The following TSHZ1 variants were observed in gnomAD, a reference collection of about 807,000 sequenced individuals.
The protein encoded by TSHZ1 is teashirt homolog 1.
A neutral mutation model predicts 67.1 loss-of-function variants in TSHZ1; 12 were observed. That is an observed-to-expected ratio of 0.18 (90% confidence interval 0.11 to 0.29). The LOEUF is 0.29. Ranked by LOEUF, TSHZ1 falls within the 10% of genes least tolerant of loss-of-function variation. The pLI, the probability that TSHZ1 is intolerant of heterozygous loss-of-function variation, is 1.00. For synonymous variants in TSHZ1, 632 were observed against 622.4 expected, an observed-to-expected ratio of 1.02 and a Z score of -0.23; for missense variants, 1,305 against 1,413.9, an observed-to-expected ratio of 0.92 and a Z score of 1.23.
intron 1 of TSHZ1, among the ~76,000 whole-genome samples, chr18:75,269,807 C>T (rs1216909265): frequency 2.6e-5 from 4 of 152,172 alleles, no homozygotes; most frequent in Admixed American, 1.3e-4. Flanking sequence ...CAGTACCCCT[C>T]GTTCCCAGCC....
At chr18:75,223,584 A>G (rs572156708) in intron 1 of TSHZ1, among the ~76,000 whole-genome samples, 3 of 151,774 alleles carry the variant, frequency 2.0e-5, no homozygotes, top group South Asian at 4.2e-4. Flanking sequence ...TCGAATATAC[A>G]TATGGTTTTG....
At chr18:75,247,974 C>T (rs1041141684) in intron 1 of TSHZ1, among the ~76,000 whole-genome samples, 1 of 151,520 alleles carries the variant, frequency 6.6e-6, no homozygotes, top group Non-Finnish European at 1.5e-5. Flanking sequence ...CCTAGGCTTC[C>T]GGTGCATTCA....
chr18:75,251,246 C>T (rs2023299693), intron 1 of TSHZ1, among the ~76,000 whole-genome samples: 1 of 152,032 alleles, frequency 6.6e-6, no homozygotes, highest in Non-Finnish European at 1.5e-5. Context: ...ATTGGAAAAA[C>T]ACAGAAAAAT....
At chr18:75,280,373 T>C (rs1568367760) in intron 1 of TSHZ1, among the ~76,000 whole-genome samples, 1 of 152,272 alleles carries the variant, frequency 6.6e-6, no homozygotes, top group Non-Finnish European at 1.5e-5. Context: ...TTTACTCTTT[T>C]TCTTTGAGAT....
chr18:75,257,792 C>T (rs1419824191), intron 1 of TSHZ1, among the ~76,000 whole-genome samples: 2 of 152,182 alleles, frequency 1.3e-5, no homozygotes, highest in Non-Finnish European at 2.9e-5. Context: ...TCATGTTGCA[C>T]ATGTTCCCGT....
Position 75,288,340 on chromosome 18 carries a change from A to G in TSHZ1, c.2933A>G (p.Gln978Arg). ...PVFFCNDCAS[Q>R]FRTASTYISH... ...TTCTTTTGCAACGATTGTGCCTCTC[A>G]GTTCAGAACTGCTTCTACATACATA... The change falls in exon 2 of 2, where the codon CAG becomes CGG. Residue 978 changes from glutamine (Q) to arginine (R), a missense_variant. Physicochemically the swap from Gln to Arg is conservative, Grantham distance 43 (BLOSUM62 1). This residue lies in a region of TSHZ1 where 909 missense variants were observed against 961.8 expected (regional missense o/e 0.95). Coordinates refer to ENST00000580243, the MANE Select transcript of TSHZ1 (RefSeq NM_001308210.2). This position sits in a 1 kb window ranked among gnomAD's most constrained non-coding sequence, Gnocchi z 4.9. 1.2e-6 allele frequency: 2 copies of G among 1,614,238 alleles called. No individual in the cohort carries two copies. Among genetic ancestry groups the G allele is most frequent in the South Asian group, 1.1e-5 (1 of 91,090 alleles).
chr18:75,259,032 C>T (rs372767851), intron 1 of TSHZ1, among the ~76,000 whole-genome samples: 1 of 152,194 alleles, frequency 6.6e-6, no homozygotes, highest in East Asian at 1.9e-4. Flanking sequence ...TTCCTCCTCC[C>T]CTCAAGGTAA....
At chr18:75,237,105 C>A (rs1055597572) in intron 1 of TSHZ1, among the ~76,000 whole-genome samples, 5 of 152,162 alleles carry the variant, frequency 3.3e-5, no homozygotes. Flanking sequence ...TTTCTTCAGA[C>A]GTGTCAACAG....
At position 75,255,834 on chromosome 18, in the gene TSHZ1, C is replaced by G. The variant is rs73481964; in HGVS notation, c.41-29614C>G. Among the ~76,000 whole-genome samples the G allele has an allele frequency of 5.9e-3, 900 of 152,292 alleles. 9 individuals carry two copies. Among genetic ancestry groups the G allele is most frequent in the African/African-American group, 0.021 (860 of 41,566 alleles). ...GCATGTGTATTTTACTTCTTGTACT[C>G]AGGAAGAGACTGAGCTAATGAAGAA... is the stretch of plus-strand genomic sequence containing the variant. On this transcript the variant is annotated intron_variant, in intron 1 of 1. Coordinates refer to ENST00000580243, the MANE Select transcript of TSHZ1 (RefSeq NM_001308210.2).
intron 1 of TSHZ1, among the ~76,000 whole-genome samples, chr18:75,218,851 C>G (rs1006059860): frequency 3.9e-5 from 6 of 152,330 alleles, no homozygotes; most frequent in Non-Finnish European, 7.4e-5. Flanking sequence ...CCTACCTGAC[C>G]ACAAGAGAGT....
chr18:75,218,854 A>G (rs368382965), intron 1 of TSHZ1, among the ~76,000 whole-genome samples: 18 of 152,248 alleles, frequency 1.2e-4, no homozygotes, highest in Admixed American at 1.1e-3. Context: ...ACCTGACCAC[A>G]AGAGAGTAGT....
In TSHZ1 at chr18:75,285,457, C is replaced by T. The variant is rs776866413; in HGVS notation, c.50C>T (p.Pro17Leu). The T allele has an allele frequency of 6.7e-7, 1 of 1,482,788 alleles. No homozygotes were observed. Among genetic ancestry groups the T allele is most frequent in the Non-Finnish European group, 9.0e-7 (1 of 1,115,696 alleles). 91.9% of individuals were successfully genotyped at this position (1,482,788 alleles called of 1,614,324 possible). A position where few individuals can be genotyped will look rare whatever the true frequency, so the allele number is the denominator to read the frequency against. ...CATTTTTCTCTCCTAGCTTATGTTCCTGAGGAAGAATTGAAGGCAGCAGAA... is the reference window on the plus strand; with the variant it reads ...CATTTTTCTCTCCTAGCTTATGTTCTTGAGGAAGAATTGAAGGCAGCAGAA... ...QAPRRSAAYV[P>L]EEELKAAEID... The change falls in exon 2 of 2, where the codon CCT (proline) becomes CTT (leucine). Residue 17 changes from proline to leucine, a missense_variant. Around this residue, in one of 3 missense-constraint regions of TSHZ1, gnomAD observed 358 missense variants for 375.6 expected, o/e 0.95. Transcript: ENST00000580243.
At chr18:75,227,953 A>G (rs1363232500) in intron 1 of TSHZ1, among the ~76,000 whole-genome samples, 2 of 152,224 alleles carry the variant, frequency 1.3e-5, no homozygotes, top group Non-Finnish European at 2.9e-5. Flanking sequence ...CAGAATCCCC[A>G]TCAACATTAT....
In TSHZ1 at chr18:75,232,300, G is replaced by A. The variant is rs1262305198; in HGVS notation, c.40+20384G>A. Among the ~76,000 whole-genome samples the A allele has an allele frequency of 6.6e-5, 10 of 152,020 alleles. 1 individual carries two copies. The highest frequency in any genetic ancestry group is 4.2e-4 in the South Asian group (2 of 4,812). ...TTGCCTCTCAGTTGAGTTTTAATGC[G>A]TCTACACAGATAATTTACACCAATA... On this transcript the variant is annotated intron_variant, in intron 1 of 1. Coordinates refer to ENST00000580243, the MANE Select transcript of TSHZ1 (RefSeq NM_001308210.2).
At chr18:75,268,396 G>T (rs1460078795) in intron 1 of TSHZ1, among the ~76,000 whole-genome samples, 1 of 152,164 alleles carries the variant, frequency 6.6e-6, no homozygotes, top group East Asian at 1.9e-4. Flanking sequence ...CCAAGTTTCT[G>T]CCATGCTGTG....
intron 1 of TSHZ1, among the ~76,000 whole-genome samples, chr18:75,268,512 G>A (rs954040688): frequency 6.6e-6 from 1 of 152,182 alleles, no homozygotes; most frequent in African/African-American, 2.4e-5. Flanking sequence ...AAATAAGACT[G>A]CCAGTTTCCC....
At chr18:75,285,364 T>G in intron 1 of TSHZ1, 84 bp from the exon 2 acceptor site, 1 of 1,400,404 alleles carries the variant, frequency 7.1e-7, no homozygotes, top group Non-Finnish European at 9.3e-7. Context: ...CAAATATCTT[T>G]TTAAAGATCA....
chr18:75,237,512 G>T (rs1027618375), intron 1 of TSHZ1, among the ~76,000 whole-genome samples: 6 of 151,974 alleles, frequency 3.9e-5, no homozygotes, highest in African/African-American at 1.5e-4. Flanking sequence ...ACCGAGAAAG[G>T]CCTTGTCTTC....
At chr18:75,220,449 G>A (rs932555422) in intron 1 of TSHZ1, among the ~76,000 whole-genome samples, 5 of 152,178 alleles carry the variant, frequency 3.3e-5, no homozygotes, top group Non-Finnish European at 5.9e-5. Context: ...GTCAGGCAAG[G>A]AAAAGAGGAT....
Sources: allele counts gnomAD v4.1 joint callset (sites outside exome capture counted in the v4.1 genomes callset), GRCh38; gene constraint gnomAD v4.1.1; regional missense constraint gnomAD v4.1.1; non-coding constraint Gnocchi (gnomAD v3.1); transcripts MANE v1.5; gene names NCBI Gene and HGNC (gene_info 2026-07-23, HGNC 2026-07-21).